The following DCAF5 variants were observed in gnomAD, a reference collection of about 807,000 sequenced individuals.
DCAF5 encodes DDB1- and CUL4-associated factor 5.
A neutral mutation model predicts 80.7 loss-of-function variants in DCAF5; 9 were observed. That is an observed-to-expected ratio of 0.11 (90% CI 0.07 to 0.19). The LOEUF (loss-of-function observed/expected upper bound fraction) is 0.19, where lower values mean the gene tolerates loss of function less well. Ranked by LOEUF, DCAF5 falls within the 10% of genes least tolerant of loss-of-function variation. The pLI is 1.00. For synonymous variants in DCAF5, 433 were observed against 461.9 expected (o/e 0.94, Z 0.80); for missense variants, 842 against 1,205.7 (o/e 0.70, Z 4.47).
intron 1 of DCAF5, among the ~76,000 whole-genome samples, chr14:69,141,284 A>G (rs1262699438): frequency 1.3e-5 from 2 of 151,860 alleles, no homozygotes; most frequent in Admixed American, 6.6e-5. Context: ...TTACTTGCAT[A>G]CCAGACAGTG....
chr14:69,131,759 C>CTTT (rs11458918), intron 1 of DCAF5, among the ~76,000 whole-genome samples: 3 of 133,868 alleles, frequency 2.2e-5, no homozygotes, highest in Non-Finnish European at 3.2e-5. Context: ...ACTTTCCAGG[C>CTTT]TTTTTTTTTT....
chr14:69,112,594 T>C lies in DCAF5; in HGVS notation c.665+3772A>G, dbSNP rs546906627. On this transcript the variant is annotated intron_variant, in intron 5 of 8. Coordinates refer to ENST00000341516, the MANE Select transcript of DCAF5 (RefSeq NM_003861.3). ...AAAGGGGAAGGATGATATATATGTA[T>C]ACACACACACACACACACACACACA... 1.6e-3 allele frequency among the ~76,000 whole-genome samples: 237 copies of C among 145,246 alleles called. 1 individual carries two copies. Among genetic ancestry groups the C allele is most frequent in the African/African-American group, 5.8e-3 (224 of 38,310 alleles).
intron 5 of DCAF5, among the ~76,000 whole-genome samples, chr14:69,113,167 A>G (rs1273353563): frequency 1.3e-5 from 2 of 152,122 alleles, no homozygotes; most frequent in South Asian, 2.1e-4. Context: ...TCATTCAAGC[A>G]TTGACTAATA....
chr14:69,104,593 C>T (rs899453319), intron 5 of DCAF5, among the ~76,000 whole-genome samples: 3 of 151,938 alleles, frequency 2.0e-5, no homozygotes, highest in Non-Finnish European at 4.4e-5. Context: ...GGGTGGCTCA[C>T]GTCTGTAATC....
At chr14:69,131,795 A>T (rs1336054302) in intron 1 of DCAF5, among the ~76,000 whole-genome samples, 2 of 150,720 alleles carry the variant, frequency 1.3e-5, no homozygotes, top group African/African-American at 4.9e-5. Flanking sequence ...TCTATTTTCA[A>T]GTATAGAGTT....
In DCAF5 at chr14:69,090,259, C is replaced by T. The variant is rs2039485690; in HGVS notation, c.879+1415G>A. The T allele has an allele frequency of 1.0e-5, 3 of 290,712 alleles. No homozygotes were observed. In the South Asian group the frequency reaches 4.0e-4, roughly 39 times the overall value. The allele number at this position is 290,712 out of a possible 1,614,324, so 18.0% of individuals were successfully genotyped here. On this transcript the variant is annotated intron_variant, in intron 6 of 8. Coordinates refer to ENST00000341516, the MANE Select transcript of DCAF5 (RefSeq NM_003861.3). The stretch of plus-strand genomic sequence containing the variant: ...AAATCAACCATTCTGTATATCTGTT[C>T]TATTGAGAGTCTGATCGCCTATAGA...
chr14:69,143,976 C>G (rs1344176361), intron 1 of DCAF5: 1 of 152,424 alleles, frequency 6.6e-6, no homozygotes, highest in Non-Finnish European at 1.5e-5. Flanking sequence ...ATTTTAACCA[C>G]AAATAATGAA....
Position 69,054,526 on chromosome 14 carries a change from G to C in DCAF5, c.2160C>G (p.Asn720Lys), listed in dbSNP as rs755230343. The C allele has an allele frequency of 5.0e-6, 8 of 1,614,060 alleles. No homozygotes were observed. The East Asian group carries it at 1.8e-4, about 36-fold the overall frequency. ...TGCAGCCTTCAGGTGGCAGGTCCTGGTTCCTCTGGGCCATTGCTATGTTTA... is the reference window on the plus strand; with the variant it reads ...TGCAGCCTTCAGGTGGCAGGTCCTGCTTCCTCTGGGCCATTGCTATGTTTA... Reference protein sequence around the residue: ...ACLNIAMAQRNQDLPPEGCSK... With the variant: ...ACLNIAMAQRKQDLPPEGCSK... The change falls in exon 9 of 9, where the codon AAC becomes AAG. Residue 720 changes from asparagine (N) to lysine (K), a missense_variant. Asn to Lys is a moderately conservative substitution (Grantham distance 94). Coordinates refer to ENST00000341516, the MANE Select transcript of DCAF5 (RefSeq NM_003861.3).
chr14:69,116,092 AG>A (rs2040536553), intron 5 of DCAF5, among the ~76,000 whole-genome samples: 1 of 152,090 alleles, frequency 6.6e-6, no homozygotes, highest in Non-Finnish European at 1.5e-5. Flanking sequence ...GCAATACTAA[AG>A]GGATGCTCTG....
In DCAF5 at chr14:69,054,156, G is replaced by A. The variant is rs1459284001; in HGVS notation, c.2530C>T (p.Pro844Ser). ...NGRLHPRPPH[P>S]HNNGQNLGEL... Reference sequence around the variant, plus strand: ...CCCAAGTTCTGCCCGTTATTGTGAGGGTGAGGGGGACGAGGGTGTAAGCGT... The same window carrying A: ...CCCAAGTTCTGCCCGTTATTGTGAGAGTGAGGGGGACGAGGGTGTAAGCGT... The change falls in exon 9 of 9, where the codon CCT (proline) becomes TCT (serine). Residue 844 changes from proline to serine, a missense_variant. Pro to Ser is a moderately conservative substitution (Grantham distance 74, BLOSUM62 -1). Coordinates refer to ENST00000341516, the MANE Select transcript of DCAF5 (RefSeq NM_003861.3). The A allele has an allele frequency of 1.2e-6, 2 of 1,614,140 alleles. No individual in the cohort carries two copies. Among genetic ancestry groups the A allele is most frequent in the Non-Finnish European group, 1.7e-6 (2 of 1,180,060 alleles).
At chr14:69,069,104 G>GA (rs2038582213) in intron 7 of DCAF5, among the ~76,000 whole-genome samples, 1 of 152,090 alleles carries the variant, frequency 6.6e-6, no homozygotes, top group South Asian at 2.1e-4. Context: ...TACATGGGAG[G>GA]AAAAAGCAGA....
Position 69,053,927 on chromosome 14 carries a change from T to C in DCAF5, c.2759A>G (p.Lys920Arg), listed in dbSNP as rs1488673345. The change falls in exon 9 of 9, where the codon AAA becomes AGA. Residue 920 changes from lysine (K) to arginine (R), a missense_variant. Coordinates refer to ENST00000341516, the MANE Select transcript of DCAF5 (RefSeq NM_003861.3). Reference protein sequence around the residue: ...SRAVHGHSGLKRQRIELEDTD... With the variant: ...SRAVHGHSGLRRQRIELEDTD... ...ATCTTCCAATTCAATTCGTTGCCTT[T>C]TGAGGCCACTGTGGCCATGAACAGC... 1.9e-6 allele frequency: 3 copies of C among 1,612,440 alleles called. No individual in the cohort carries two copies. Among genetic ancestry groups the C allele is most frequent in the Non-Finnish European group, 2.5e-6 (3 of 1,179,644 alleles).
chr14:69,122,467 A>C (rs1595037879), intron 1 of DCAF5, 107 bp from the exon 2 acceptor site: 2 of 1,208,290 alleles, frequency 1.7e-6, no homozygotes, highest in East Asian at 2.4e-5. Context: ...CACCTCCCCA[A>C]CTCCATAAGA....
At position 69,145,854 on chromosome 14, in the gene DCAF5, AAAG is replaced by A. The variant is rs1478777171; in HGVS notation, c.214+6908_214+6910del. Among the ~76,000 whole-genome samples, 8 of 152,360 alleles carry A rather than the reference AAAG, an allele frequency of 5.3e-5. No homozygotes were observed. In the East Asian group the frequency reaches 1.3e-3, roughly 26 times the overall value. ...AGTTTCTTCTTTCTTAAGACCATAA[AAAG>A]AAGACAGAGATTAAAATTAAGTGCC... On this transcript the variant is annotated intron_variant, in intron 1 of 8. Transcript: ENST00000341516.
intron 6 of DCAF5, 66 bp downstream of exon 6, chr14:69,091,608 C>G: frequency 7.2e-7 from 1 of 1,397,572 alleles, no homozygotes; most frequent in South Asian, 1.2e-5. Context: ...AAATAAAGAC[C>G]AGTATAGAAA....
intron 6 of DCAF5, among the ~76,000 whole-genome samples, chr14:69,087,708 T>A (rs1283266018): frequency 6.6e-6 from 1 of 152,194 alleles, no homozygotes; most frequent in Admixed American, 6.5e-5. Context: ...GTTATGTGAA[T>A]GTATCTATCA....
chr14:69,114,172 T>G (rs1225078427), intron 5 of DCAF5, among the ~76,000 whole-genome samples: 1 of 152,214 alleles, frequency 6.6e-6, no homozygotes, highest in Non-Finnish European at 1.5e-5. Context: ...GGGGCTACAA[T>G]TTGACAGTTT....
At chr14:69,150,474 G>A (rs1450169193) in intron 1 of DCAF5, among the ~76,000 whole-genome samples, 3 of 152,148 alleles carry the variant, frequency 2.0e-5, no homozygotes, top group African/African-American at 4.8e-5. Flanking sequence ...ACAGGGGAGC[G>A]TCCTGCCCAA....
chr14:69,079,984 T>C (rs2039041112), intron 6 of DCAF5, among the ~76,000 whole-genome samples: 2 of 152,064 alleles, frequency 1.3e-5, no homozygotes, highest in African/African-American at 4.8e-5. Context: ...TTTGATAAAA[T>C]GGTATTTTGA....
Sources: allele counts gnomAD v4.1 joint callset (sites outside exome capture counted in the v4.1 genomes callset), GRCh38; gene constraint gnomAD v4.1.1; transcripts MANE v1.5; gene names NCBI Gene and HGNC (gene_info 2026-07-23, HGNC 2026-07-21).